Variants in GPC4 observed in about 807,000 individuals in gnomAD.
GPC4 encodes the protein glypican 4.
In GPC4, 10 loss-of-function variants were observed where a neutral mutation model predicts 35.0. The observed-to-expected ratio is 0.29, with a 90% confidence interval of 0.18 to 0.48. The LOEUF is 0.48. GPC4 is among the 20% of genes least tolerant of loss of function. The pLI is 0.99. For synonymous variants in GPC4, 167 were observed against 170.2 expected (o/e 0.98, Z 0.15); for missense variants, 322 against 451.3 (o/e 0.71, Z 2.60).
At chrX:133,335,893 T>C (rs1465976490) in intron 2 of GPC4, among the ~76,000 whole-genome samples, 1 of 112,199 alleles carries the variant, frequency 8.9e-6, no homozygotes, top group Non-Finnish European at 1.9e-5. Flanking sequence ...GAATTTACAC[T>C]GTAAGCTTGC....
intron 1 of GPC4, among the ~76,000 whole-genome samples, chrX:133,387,751 TTTG>T (rs2068698850): frequency 9.0e-6 from 1 of 111,723 alleles, no homozygotes; most frequent in African/African-American, 3.3e-5. Flanking sequence ...CTTCGAAATG[TTTG>T]TTGATTATTA....
At chrX:133,389,342 C>T (rs2068708792) in intron 1 of GPC4, among the ~76,000 whole-genome samples, 1 of 111,717 alleles carries the variant, frequency 9.0e-6, no homozygotes, top group African/African-American at 3.3e-5. Flanking sequence ...TAATAACTGA[C>T]ACCTAGCTGG....
At position 133,306,030 on chromosome X, in the gene GPC4, A is replaced by G. The variant is rs2068289649; in HGVS notation, c.1002T>C (p.Ser334=). 1 of 1,211,199 alleles carries G rather than the reference A, an allele frequency of 8.3e-7. No homozygotes were observed. Residue 334 remains serine (S), a synonymous_variant, in exon 5 of 9, where the codon TCT becomes TCC. Coordinates refer to ENST00000370828, the MANE Select transcript of GPC4 (RefSeq NM_001448.3). ...AGCATCCTGCCTTCATTACCTTCTG[A>G]GACACTTGAACACTATTATCCTGCA... is the stretch of plus-strand genomic sequence containing the variant. ...MNMQDNSVQV[S]QKVFQGCGPP...
intron 3 of GPC4, among the ~76,000 whole-genome samples, chrX:133,316,957 CATAAAA>C (rs1029999528): frequency 6.3e-5 from 7 of 111,979 alleles, no homozygotes; most frequent in Admixed American, 4.7e-4. Context: ...ACGTAATGTG[CATAAAA>C]ATAAAAAGAT....
intron 2 of GPC4, among the ~76,000 whole-genome samples, chrX:133,328,369 G>A (rs11096366): frequency 0.43 from 46,704 of 109,814 alleles, 9,302 homozygotes; most frequent in African/African-American, 0.78. Flanking sequence ...CATAGCAATT[G>A]GGTACAATAT....
intron 1 of GPC4, among the ~76,000 whole-genome samples, chrX:133,362,086 C>T (rs181386673): frequency 2.8e-5 from 3 of 109,070 alleles, no homozygotes; most frequent in Admixed American, 9.9e-5. Context: ...TGGTGGGGTG[C>T]GCCTGTGGTC....
intron 1 of GPC4, among the ~76,000 whole-genome samples, chrX:133,374,388 G>A (rs887385936): frequency 8.9e-6 from 1 of 111,894 alleles, no homozygotes; most frequent in Non-Finnish European, 1.9e-5. Flanking sequence ...GACTAAAGGT[G>A]GAAGGTAGGT....
At chrX:133,367,896 G>A (rs779180312) in intron 1 of GPC4, among the ~76,000 whole-genome samples, 1 of 111,197 alleles carries the variant, frequency 9.0e-6, no homozygotes, top group African/African-American at 3.3e-5. Context: ...TAACAACTAT[G>A]CTAGGACAGC....
chrX:133,304,137 CA>C lies in GPC4; in HGVS notation c.1292+587del, dbSNP rs68145337. Among the ~76,000 whole-genome samples the C allele has an allele frequency of 1.0e-3, 99 of 96,314 alleles. 1 individual carries two copies. The highest frequency in any genetic ancestry group is 5.3e-3 in the Middle Eastern group (1 of 188). The allele number at this position is 96,314 out of a possible 115,157, so 83.6% of individuals were successfully genotyped here. ...TGAAACCCTGTCACTACTAAAAATA[CA>C]AAAAAAAAAAAATTAGCCAGGCATG... is the stretch of plus-strand genomic sequence containing the variant. On this transcript the variant is annotated intron_variant, in intron 7 of 8. Transcript: ENST00000370828.
rs757181437 is a variant in GPC4 at position 133,324,202 on chromosome X, G to A, written c.654C>T (p.Ala218=). ...CCGCTAAGCCTTGAGCGAAAGTACG[G>A]GCTGCTACAAAAGCACGAGTAACCT... ...KLQVTRAFVA[A]RTFAQGLAVA... The change falls in exon 3 of 9, where the codon GCC becomes GCT. Residue 218 remains alanine, a synonymous_variant. Coordinates refer to ENST00000370828, the MANE Select transcript of GPC4 (RefSeq NM_001448.3). 2.6e-5 allele frequency: 32 copies of A among 1,209,567 alleles called. No homozygotes were observed. The South Asian group carries it at 4.6e-4, about 17-fold the overall frequency.
Position 133,327,636 on chromosome X carries a change from A to AGTTTGTGTGTGTGTGTGTGTGTGTGTGT in GPC4, c.320-3101_320-3100insACACACACACACACACACACACACAAAC, listed in dbSNP as rs1289042509. Among the ~76,000 whole-genome samples the AGTTTGTGTGTGTGTGTGTGTGTGTGTGT allele has an allele frequency of 9.8e-4, 82 of 83,281 alleles. 2 individuals carry two copies. Among genetic ancestry groups the AGTTTGTGTGTGTGTGTGTGTGTGTGTGT allele is most frequent in the African/African-American group, 3.6e-3 (81 of 22,661 alleles). The allele number at this position is 83,281 out of a possible 115,157, so 72.3% of individuals were successfully genotyped here. On this transcript the variant is annotated intron_variant, in intron 2 of 8. Transcript: ENST00000370828. ...CCATGACTCACATTCTGTCCAGGAA[A>AGTTTGTGTGTGTGTGTGTGTGTGTGTGT]GTGTGTGTGTGTGTGTGTGTGTGTG...
At chrX:133,383,208 G>A (rs1315696559) in intron 1 of GPC4, among the ~76,000 whole-genome samples, 1 of 111,540 alleles carries the variant, frequency 9.0e-6, no homozygotes, top group African/African-American at 3.3e-5. Flanking sequence ...GAGAATTTTG[G>A]TACTAAAATG....
intron 4 of GPC4, among the ~76,000 whole-genome samples, chrX:133,306,643 T>G (rs918080816): frequency 3.9e-4 from 44 of 112,306 alleles, no homozygotes; most frequent in African/African-American, 1.4e-3. Flanking sequence ...ACAAAACCCC[T>G]CAGATCCTTG....
At chrX:133,357,882 G>T (rs1044897994) in intron 1 of GPC4, among the ~76,000 whole-genome samples, 2 of 111,931 alleles carry the variant, frequency 1.8e-5, no homozygotes, top group Admixed American at 9.4e-5. Flanking sequence ...ATATTTCTCA[G>T]AAAGGGGATT....
At chrX:133,377,810 C>A (rs752566869) in intron 1 of GPC4, among the ~76,000 whole-genome samples, 2 of 108,283 alleles carry the variant, frequency 1.8e-5, no homozygotes, top group African/African-American at 6.7e-5. Flanking sequence ...TTAAAAAATT[C>A]TTTCATGAGA....
At chrX:133,322,615 G>A (rs754767759) in intron 3 of GPC4, among the ~76,000 whole-genome samples, 94 of 110,243 alleles carry the variant, frequency 8.5e-4, no homozygotes, top group African/African-American at 2.9e-3. Flanking sequence ...AGCACCTCCC[G>A]ATTTAGACAG....
rs557359106 is a variant in GPC4, at chrX:133,327,636, A to AGT, written c.320-3102_320-3101dup. On this transcript the variant is annotated intron_variant, in intron 2 of 8. Transcript: ENST00000370828. ...CCATGACTCACATTCTGTCCAGGAA[A>AGT]GTGTGTGTGTGTGTGTGTGTGTGTG... is the stretch of plus-strand genomic sequence containing the variant. Among the ~76,000 whole-genome samples, 720 of 83,258 alleles carry AGT rather than the reference A, an allele frequency of 8.6e-3. 9 individuals are homozygous for AGT. Among genetic ancestry groups the AGT allele is most frequent in the African/African-American group, 0.025 (571 of 22,646 alleles). 72.3% of individuals were successfully genotyped at this position (83,258 alleles called of 115,157 possible).
At chrX:133,312,717 A>AAAC (rs1222894386) in intron 3 of GPC4, among the ~76,000 whole-genome samples, 4 of 110,264 alleles carry the variant, frequency 3.6e-5, no homozygotes, top group Non-Finnish European at 5.7e-5. Context: ...AGAAACAAAC[A>AAAC]AACAGGGACA....
chrX:133,376,357 G>A (rs2068633183), intron 1 of GPC4, among the ~76,000 whole-genome samples: 2 of 112,339 alleles, frequency 1.8e-5, no homozygotes, highest in Middle Eastern at 4.7e-3. Flanking sequence ...TTTTACACTC[G>A]CTTCCAGCAA....
Sources: allele counts gnomAD v4.1 joint callset (sites outside exome capture counted in the v4.1 genomes callset), GRCh38; gene constraint gnomAD v4.1.1; transcripts MANE v1.5; gene names NCBI Gene and HGNC (gene_info 2026-07-23, HGNC 2026-07-21).